ADAMTS7: variants seen among roughly 807,000 people sequenced by gnomAD.
ADAMTS7 encodes ADAM metallopeptidase with thrombospondin type 1 motif 7.
A neutral mutation model predicts 172.6 loss-of-function variants in ADAMTS7; 89 were observed. The observed-to-expected ratio is 0.52, with a 90% CI of 0.43 to 0.61. The LOEUF is 0.61. Ranked by LOEUF, ADAMTS7 falls within the 20% of genes least tolerant of loss-of-function variation. ADAMTS7 has a pLI of 0.00. For synonymous variants in ADAMTS7, 885 were observed against 978.4 expected (o/e 0.90, Z 1.78); for missense variants, 1,973 against 2,355.6 (o/e 0.84, Z 3.36).
In ADAMTS7 at chr15:78,788,335, C is replaced by T; in HGVS notation, c.1218G>A (p.Glu406=). The part of the protein sequence containing the change: ...IQHDGSGNDC[E]PVGKRPFIMS... ...TGATGAAAGGTCGTTTCCCAACGGG[C>T]TCACAGTCATTGCCGCTTCCGTCAT... The change falls in exon 8 of 24, where the codon GAG becomes GAA. Residue 406 remains glutamate (E), a synonymous_variant. Transcript: ENST00000388820. 4 of 1,613,450 alleles carry T rather than the reference C, an allele frequency of 2.5e-6. No individual in the cohort carries two copies. Among genetic ancestry groups the T allele is most frequent in the Non-Finnish European group, 3.4e-6 (4 of 1,180,012 alleles).
At chr15:78,784,825 A>G (rs1375754237) in intron 8 of ADAMTS7, among the ~76,000 whole-genome samples, 1 of 152,224 alleles carries the variant, frequency 6.6e-6, no homozygotes, top group Admixed American at 6.5e-5. Context: ...AAGAAGAGTC[A>G]CTTCCAACCC....
chr15:78,777,517 C>A lies in ADAMTS7; in HGVS notation c.1394G>T (p.Gly465Val). 1 of 1,611,414 alleles carries A rather than the reference C, an allele frequency of 6.2e-7. No homozygotes were observed. Among genetic ancestry groups the A allele is most frequent in the African/African-American group, 1.3e-5 (1 of 75,022 alleles). The part of the protein sequence containing the change: ...DIIDFPSVPP[G>V]VLYDVSHQCR... ...CTGGTGGCTTACATCATAGAGGACG[C>A]CAGGTGGCACCGAGGGGAAGTCGAT... The change falls in exon 9 of 24, where the codon GGC (glycine) becomes GTC (valine). Residue 465 changes from glycine (G) to valine (V), a missense_variant. Physicochemically the swap from Gly to Val is moderately radical, Grantham distance 109 (BLOSUM62 -3). Around this residue, in one of 8 missense-constraint regions of ADAMTS7, gnomAD observed 526 missense variants for 662.9 expected, o/e 0.79. Coordinates refer to ENST00000388820, the MANE Select transcript of ADAMTS7 (RefSeq NM_014272.5).
rs562680236 is a variant in ADAMTS7, at chr15:78,776,468, A to G, written c.1561-135T>C. On this transcript the variant is annotated intron_variant, in intron 10 of 23. Transcript: ENST00000388820. Reference sequence around the variant, plus strand: ...GATGGAAGGTGAGAGAGGCACCCTCACAATCATCACAATCATCTGTGACCC... The same window carrying G: ...GATGGAAGGTGAGAGAGGCACCCTCGCAATCATCACAATCATCTGTGACCC... The G allele has an allele frequency of 3.6e-3, 4,576 of 1,269,110 alleles. 20 individuals carry two copies. Among genetic ancestry groups the G allele is most frequent in the South Asian group, 7.6e-3 (526 of 69,668 alleles). The allele number at this position is 1,269,110 out of a possible 1,614,324, so 78.6% of individuals were successfully genotyped here.
At chr15:78,761,759 T>G (rs927930313) in intron 23 of ADAMTS7, among the ~76,000 whole-genome samples, 1 of 151,734 alleles carries the variant, frequency 6.6e-6, no homozygotes, top group Non-Finnish European at 1.5e-5. Flanking sequence ...TGTGTGTGTG[T>G]GCGCGCACGC....
intron 16 of ADAMTS7, among the ~76,000 whole-genome samples, chr15:78,768,693 G>A (rs2055199873): frequency 6.6e-6 from 1 of 152,214 alleles, no homozygotes; most frequent in Non-Finnish European, 1.5e-5. Context: ...CACATCCTAA[G>A]AGCTCGATCC....
chr15:78,763,969 C>A lies in ADAMTS7; in HGVS notation c.4550G>T (p.Gly1517Val). 1 of 1,548,748 alleles carries A rather than the reference C, an allele frequency of 6.5e-7. No individual in the cohort carries two copies. The highest frequency in any genetic ancestry group is 2.3e-5 in the East Asian group (1 of 42,694). The part of the protein sequence containing the change: ...PAKPPAHRPC[G>V]AQPCLSWYTS... Reference sequence around the variant, plus strand: ...GTACCAGCTGAGGCAGGGCTGGGCCCCGCAGGGCCGGTGCGCAGGCGGCTT... The same window carrying A: ...GTACCAGCTGAGGCAGGGCTGGGCCACGCAGGGCCGGTGCGCAGGCGGCTT... Residue 1517 changes from glycine to valine, a missense_variant, in exon 21 of 24, where the codon GGG becomes GTG. Transcript: ENST00000388820.
In ADAMTS7 at chr15:78,766,659, G is replaced by C. The variant is rs78079545; in HGVS notation, c.3252C>G (p.Pro1084=). ...EDLSYGPSEE[P]DLDLAGTGDR... The stretch of plus-strand genomic sequence containing the variant: ...CCCCTGTCCCCGCCAGGTCTAGATC[G>C]GGCTCCTCAGAGGGCCCGTAGGACA... Residue 1084 remains proline (P), a synonymous_variant, in exon 19 of 24, where the codon CCC becomes CCG. Transcript: ENST00000388820. 2.5e-6 allele frequency: 4 copies of C among 1,609,538 alleles called. No homozygotes were observed. Among genetic ancestry groups the C allele is most frequent in the Non-Finnish European group, 1.7e-6 (2 of 1,178,776 alleles).
At chr15:78,790,590 C>T in intron 6 of ADAMTS7, 80 bp downstream of exon 6, 1 of 1,575,002 alleles carries the variant, frequency 6.3e-7, no homozygotes, top group South Asian at 1.2e-5. Flanking sequence ...GCACGGCCCC[C>T]TCCTCCACCA....
At chr15:78,776,389 C>T in intron 10 of ADAMTS7, 56 bp from the exon 11 acceptor site, 1 of 1,575,702 alleles carries the variant, frequency 6.3e-7, no homozygotes, top group South Asian at 1.2e-5. Context: ...CAGTCATCCT[C>T]ACCCTAGTGA....
intron 1 of ADAMTS7, 132 bp from the exon 2 acceptor site, chr15:78,800,679 C>G: frequency 1.3e-6 from 1 of 784,254 alleles, no homozygotes; most frequent in Non-Finnish European, 2.1e-6. Flanking sequence ...CCTCGCCGGG[C>G]TATCTACTAA....
intron 1 of ADAMTS7, among the ~76,000 whole-genome samples, chr15:78,809,751 T>C (rs2055840626): frequency 6.6e-6 from 1 of 152,208 alleles, no homozygotes; most frequent in African/African-American, 2.4e-5. Context: ...CCCCCAGCTC[T>C]GGACAGTGGA....
At chr15:78,768,099 G>T (rs1433390389) in intron 17 of ADAMTS7, 34 bp downstream of exon 17, 1 of 1,517,202 alleles carries the variant, frequency 6.6e-7, no homozygotes, top group Non-Finnish European at 8.8e-7. Context: ...GGGGGATGGG[G>T]TGGGGAGTTG....
At chr15:78,769,532 C>A (rs1205158988) in intron 16 of ADAMTS7, among the ~76,000 whole-genome samples, 1 of 152,214 alleles carries the variant, frequency 6.6e-6, no homozygotes, top group Non-Finnish European at 1.5e-5. Context: ...TGGGAGTCAG[C>A]CCTTTTCCCT....
intron 23 of ADAMTS7, chr15:78,762,007 C>A: frequency 1.2e-5 from 12 of 985,424 alleles, no homozygotes; most frequent in Non-Finnish European, 1.4e-5. Flanking sequence ...CAGGCCAGGG[C>A]TGGGGACAGG....
intron 17 of ADAMTS7, among the ~76,000 whole-genome samples, chr15:78,767,894 G>A (rs2055182633): frequency 6.6e-6 from 1 of 151,520 alleles, no homozygotes; most frequent in African/African-American, 2.4e-5. Flanking sequence ...GGCTGGCCTA[G>A]GCTGGGGTGA....
chr15:78,787,438 C>T (rs1386725235), intron 8 of ADAMTS7, among the ~76,000 whole-genome samples: 3 of 150,484 alleles, frequency 2.0e-5, no homozygotes, highest in East Asian at 3.9e-4. Context: ...CAAAGGTGGG[C>T]GGATCACCTG....
At position 78,774,511 on chromosome 15, in the gene ADAMTS7, TGGCCCA is replaced by T. The variant is rs1384042821; in HGVS notation, c.1876+107_1876+112del. 17 of 1,515,784 alleles carry T rather than the reference TGGCCCA, an allele frequency of 1.1e-5. No homozygotes were observed. In the East Asian group the frequency reaches 3.2e-4, roughly 29 times the overall value. The allele number at this position is 1,515,784 out of a possible 1,614,324, so 93.9% of individuals were successfully genotyped here. ...CAGCAGCCCCAGGGGACAGTGGGAG[TGGCCCA>T]GGCTTGGGGTGAAGACTGGGCCTCC... On this transcript the variant is annotated intron_variant, in intron 12 of 23. Transcript: ENST00000388820.
intron 1 of ADAMTS7, among the ~76,000 whole-genome samples, chr15:78,801,927 A>G (rs1284674243): frequency 1.3e-5 from 2 of 151,982 alleles, no homozygotes; most frequent in Non-Finnish European, 2.9e-5. Context: ...TCCTGGGCTC[A>G]AGTGATCCTT....
At chr15:78,760,296 G>T (rs1266099790) in intron 23 of ADAMTS7, among the ~76,000 whole-genome samples, 1 of 152,208 alleles carries the variant, frequency 6.6e-6, no homozygotes, top group Non-Finnish European at 1.5e-5. Flanking sequence ...TTGGGAAGTG[G>T]CTTGTTTCCA....
Sources: allele counts gnomAD v4.1 joint callset (sites outside exome capture counted in the v4.1 genomes callset), GRCh38; gene constraint gnomAD v4.1.1; regional missense constraint gnomAD v4.1.1; transcripts MANE v1.5; gene names NCBI Gene and HGNC (gene_info 2026-07-23, HGNC 2026-07-21).